PBX1: variants seen among roughly 807,000 people sequenced by gnomAD.
The protein encoded by PBX1 is PBX homeobox 1.
Under a neutral mutation model 53.4 loss-of-function variants are expected in PBX1, and 6 were observed. The ratio of observed to expected loss-of-function variants is 0.11; its 90% CI spans 0.06 to 0.22. PBX1 has a LOEUF of 0.22. Ranked by LOEUF, PBX1 falls within the 10% of genes least tolerant of loss-of-function variation. The pLI is 1.00. For missense variants in PBX1, 251 were observed against 551.4 expected, an observed-to-expected ratio of 0.46 and a Z score of 5.46; for synonymous variants, 204 against 212.3, an observed-to-expected ratio of 0.96 and a Z score of 0.34.
chr1:164,588,291 CA>C (rs1655092350), intron 2 of PBX1, among the ~76,000 whole-genome samples: 1 of 151,926 alleles, frequency 6.6e-6, no homozygotes, highest in Non-Finnish European at 1.5e-5. Flanking sequence ...TTATTGAGCA[CA>C]AAGAAGACAA....
intron 2 of PBX1, among the ~76,000 whole-genome samples, chr1:164,570,929 G>A (rs544742065): frequency 3.3e-5 from 5 of 152,184 alleles, no homozygotes; most frequent in African/African-American, 1.2e-4. Flanking sequence ...TCTCATTGTG[G>A]TTTTGATTTG....
At chr1:164,572,244 T>C (rs983382801) in intron 2 of PBX1, among the ~76,000 whole-genome samples, 1 of 152,100 alleles carries the variant, frequency 6.6e-6, no homozygotes, top group African/African-American at 2.4e-5. Flanking sequence ...TCTTAAGTCA[T>C]AGTGTAAATG....
intron 2 of PBX1, among the ~76,000 whole-genome samples, chr1:164,635,168 C>T (rs2800781): frequency 0.97 from 147,534 of 151,944 alleles, 71,787 homozygotes; most frequent in Middle Eastern, 1. Flanking sequence ...ACTGAATATA[C>T]AGCAGTTCAT....
At chr1:164,778,706 T>C (rs1558002799) in intron 2 of PBX1, among the ~76,000 whole-genome samples, 1 of 151,944 alleles carries the variant, frequency 6.6e-6, no homozygotes, top group Non-Finnish European at 1.5e-5. Flanking sequence ...CGTTAGTAGT[T>C]TTTCTTGGTT....
intron 2 of PBX1, among the ~76,000 whole-genome samples, chr1:164,636,283 G>C (rs1658774052): frequency 6.6e-6 from 1 of 152,126 alleles, no homozygotes; most frequent in African/African-American, 2.4e-5. Flanking sequence ...ATGTTGAAAG[G>C]ATGACTGAAA....
rs559830122 is a variant in PBX1, at chr1:164,794,878, C to A, written c.510+2140C>A. Among the ~76,000 whole-genome samples the A allele has an allele frequency of 9.8e-5, 15 of 152,290 alleles. 1 individual carries two copies. The South Asian group carries it at 2.7e-3, about 27-fold the overall frequency. On this transcript the variant is annotated intron_variant, in intron 3 of 8. Coordinates refer to ENST00000420696, the MANE Select transcript of PBX1 (RefSeq NM_002585.4). The stretch of plus-strand genomic sequence containing the variant: ...CAAGCCCAGAGTGCGACTTCCTTCA[C>A]TAAACCATAATTGCAATGGATGTTA...
At chr1:164,597,484 A>G (rs899712978) in intron 2 of PBX1, among the ~76,000 whole-genome samples, 4 of 152,216 alleles carry the variant, frequency 2.6e-5, no homozygotes, top group Non-Finnish European at 5.9e-5. Context: ...GGGGGTGCAG[A>G]GATAATTTTC....
intron 2 of PBX1, among the ~76,000 whole-genome samples, chr1:164,640,104 A>G (rs956405825): frequency 4.2e-4 from 64 of 152,140 alleles, no homozygotes; most frequent in African/African-American, 1.5e-3. Flanking sequence ...TGAATTTTAG[A>G]CTTCAAAATT....
chr1:164,792,390 A>G, intron 2 of PBX1, 104 bp from the exon 3 acceptor site: 1 of 1,514,448 alleles, frequency 6.6e-7, no homozygotes, highest in Non-Finnish European at 8.8e-7. Flanking sequence ...GGCATCTTGC[A>G]AGTAACTTGG....
intron 8 of PBX1, among the ~76,000 whole-genome samples, chr1:164,839,360 C>T (rs1441692268): frequency 2.0e-5 from 3 of 152,138 alleles, no homozygotes; most frequent in African/African-American, 4.8e-5. Context: ...GCACTGAATA[C>T]GTATTTACGT....
At chr1:164,675,128 T>C (rs1661359907) in intron 2 of PBX1, among the ~76,000 whole-genome samples, 7 of 152,062 alleles carry the variant, frequency 4.6e-5, no homozygotes, top group Admixed American at 4.6e-4. Context: ...AGGACAATAA[T>C]TGAGGTCTTT....
intron 8 of PBX1, among the ~76,000 whole-genome samples, chr1:164,823,432 G>A (rs895623885): frequency 1.3e-5 from 2 of 152,110 alleles, no homozygotes; most frequent in African/African-American, 4.8e-5. Flanking sequence ...CTGTGCATAA[G>A]CAGAAGAGAA....
At chr1:164,806,099 A>G (rs1669332194) in intron 4 of PBX1, among the ~76,000 whole-genome samples, 1 of 152,218 alleles carries the variant, frequency 6.6e-6, no homozygotes. Flanking sequence ...TTTTAATAAA[A>G]GCAAGAAAGG....
At chr1:164,684,596 T>G (rs1382586794) in intron 2 of PBX1, 1 of 152,212 alleles carries the variant, frequency 6.6e-6, no homozygotes, top group Non-Finnish European at 1.5e-5. Flanking sequence ...GTGTTCTAGA[T>G]TCATAGACCC....
chr1:164,559,946 G>A lies in PBX1; in HGVS notation c.124G>A (p.Asp42Asn). Reference protein sequence around the residue: ...GTEGEGGRKQDIGDILQQIMT... With the variant: ...GTEGEGGRKQNIGDILQQIMT... The stretch of plus-strand genomic sequence containing the variant: ...CGAGGGGGAGGGCGGGAGGAAGCAG[G>A]ACATTGGAGACATTTTACAGCAAAT... Residue 42 changes from aspartate to asparagine, a missense_variant, in exon 1 of 9, where the codon GAC (aspartate) becomes AAC (asparagine). Physicochemically the swap from Asp to Asn is conservative, Grantham distance 23. Transcript: ENST00000420696. 6.5e-7 allele frequency: 1 copy of A among 1,543,420 alleles called. No individual in the cohort carries two copies. Among genetic ancestry groups the A allele is most frequent in the Non-Finnish European group, 8.8e-7 (1 of 1,142,602 alleles).
chr1:164,708,936 G>A (rs1251750903), intron 2 of PBX1, among the ~76,000 whole-genome samples: 2 of 152,204 alleles, frequency 1.3e-5, no homozygotes, highest in African/African-American at 2.4e-5. Context: ...AGTGCTGACT[G>A]TATGCCAGGT....
intron 8 of PBX1, among the ~76,000 whole-genome samples, chr1:164,831,094 A>T (rs1484950204): frequency 6.6e-6 from 1 of 152,214 alleles, no homozygotes; most frequent in Non-Finnish European, 1.5e-5. Flanking sequence ...AGAATTTTAC[A>T]GTGAAATCAC....
chr1:164,820,872 ACTAGGGAAGTTCTGAGCCATGTCAGC>A lies in PBX1; in HGVS notation c.1111-660_1111-635del, dbSNP rs566704708. 7.9e-5 allele frequency among the ~76,000 whole-genome samples: 12 copies of A among 152,324 alleles called. No homozygotes were observed. In the East Asian group the frequency reaches 2.3e-3, roughly 29 times the overall value. On this transcript the variant is annotated intron_variant, in intron 7 of 8. Transcript: ENST00000420696. ...AAGTAGTATGCTGTGGGTCAGAATT[ACTAGGGAAGTTCTGAGCCATGTCAGC>A]CTAGTTTCCCACCCTCCATGTGGAA...
intron 2 of PBX1, among the ~76,000 whole-genome samples, chr1:164,593,874 C>A (rs1421931293): frequency 6.6e-6 from 1 of 152,116 alleles, no homozygotes; most frequent in African/African-American, 2.4e-5. Context: ...GATTGAGCTC[C>A]TGATTCTCTC....
Sources: allele counts gnomAD v4.1 joint callset (sites outside exome capture counted in the v4.1 genomes callset), GRCh38; gene constraint gnomAD v4.1.1; transcripts MANE v1.5; gene names NCBI Gene and HGNC (gene_info 2026-07-23, HGNC 2026-07-21).